PLXNA4: variants seen among roughly 807,000 people sequenced by gnomAD.
PLXNA4 encodes plexin-A4.
PLXNA4 carries 44 observed loss-of-function variants against 191.8 expected under a neutral mutation model. That is an observed-to-expected ratio of 0.23 (90% confidence interval 0.18 to 0.29). PLXNA4 has a LOEUF of 0.29. Among genes scored for constraint, PLXNA4 ranks in the 10% least tolerant of loss-of-function variants. The pLI is 1.00. For missense variants in PLXNA4, 1,800 were observed against 2,488.8 expected (o/e 0.72, Z 5.89); for synonymous variants, 1,082 against 1,009.5 (o/e 1.07, Z -1.36).
chr7:132,155,525 G>C (rs1300132234), intron 25 of PLXNA4, among the ~76,000 whole-genome samples: 1 of 152,238 alleles, frequency 6.6e-6, no homozygotes, highest in African/African-American at 2.4e-5. Flanking sequence ...TCTCGTGTTT[G>C]TTGAAGAGTT....
At chr7:132,353,648 A>G (rs1177818180) in intron 3 of PLXNA4, among the ~76,000 whole-genome samples, 1 of 152,188 alleles carries the variant, frequency 6.6e-6, no homozygotes, top group Non-Finnish European at 1.5e-5. Context: ...AAACAAAAAA[A>G]CACAAGCATG....
At chr7:132,529,804 A>G (rs1194267410) in intron 1 of PLXNA4, among the ~76,000 whole-genome samples, 2 of 151,946 alleles carry the variant, frequency 1.3e-5, no homozygotes, top group African/African-American at 4.8e-5. Flanking sequence ...ACGGGGTTTC[A>G]CCATGTTAGC....
At chr7:132,383,523 A>G in intron 3 of PLXNA4, 1 of 960,804 alleles carries the variant, frequency 1.0e-6, no homozygotes, top group African/African-American at 1.8e-5. Flanking sequence ...TTTTTATTTT[A>G]TTCATTGTAT....
chr7:132,131,792 T>C (rs1361437065), intron 31 of PLXNA4, among the ~76,000 whole-genome samples: 1 of 152,250 alleles, frequency 6.6e-6, no homozygotes, highest in African/African-American at 2.4e-5. Flanking sequence ...GGGAAAACTC[T>C]GCCCCAGACC....
At chr7:132,530,714 C>A (rs1357982590) in intron 1 of PLXNA4, among the ~76,000 whole-genome samples, 1 of 152,138 alleles carries the variant, frequency 6.6e-6, no homozygotes, top group African/African-American at 2.4e-5. Flanking sequence ...ATAGAATTAC[C>A]ACATGATCCA....
intron 3 of PLXNA4, among the ~76,000 whole-genome samples, chr7:132,420,689 C>T (rs1233881273): frequency 6.6e-6 from 1 of 152,210 alleles, no homozygotes; most frequent in Non-Finnish European, 1.5e-5. Flanking sequence ...TTGGCTGTGT[C>T]CCCACTCAAA....
chr7:132,140,567 G>A (rs1241409382), intron 30 of PLXNA4, 32 bp downstream of exon 30: 4 of 1,608,886 alleles, frequency 2.5e-6, no homozygotes, highest in African/African-American at 1.3e-5. Context: ...CCAGCAAGGG[G>A]CCCTGACTTG....
At chr7:132,529,316 A>G (rs1381875028) in intron 1 of PLXNA4, among the ~76,000 whole-genome samples, 1 of 151,866 alleles carries the variant, frequency 6.6e-6, no homozygotes, top group Non-Finnish European at 1.5e-5. Context: ...AATCCTCCCT[A>G]CTCTGCATAC....
At chr7:132,413,256 T>C (rs1359653635) in intron 3 of PLXNA4, among the ~76,000 whole-genome samples, 1 of 152,138 alleles carries the variant, frequency 6.6e-6, no homozygotes, top group Non-Finnish European at 1.5e-5. Context: ...TGGAAGCAAC[T>C]CTGAAGATTT....
chr7:132,200,671 C>T (rs1160853344), intron 12 of PLXNA4, among the ~76,000 whole-genome samples: 1 of 152,222 alleles, frequency 6.6e-6, no homozygotes, highest in East Asian at 1.9e-4. Flanking sequence ...AAAGCCCACA[C>T]ACAAATGTGT....
chr7:132,504,848 A>T (rs931268203), intron 2 of PLXNA4, among the ~76,000 whole-genome samples: 10 of 152,226 alleles, frequency 6.6e-5, no homozygotes, highest in Non-Finnish European at 7.3e-5. Flanking sequence ...AGCCTTGTAA[A>T]TGAGTTGAGG....
At chr7:132,241,936 C>G (rs1439229380) in intron 4 of PLXNA4, among the ~76,000 whole-genome samples, 1 of 152,122 alleles carries the variant, frequency 6.6e-6, no homozygotes. Flanking sequence ...TTGCTTAGCC[C>G]AAATGCTTCC....
At chr7:132,448,581 G>T (rs138978785) in intron 3 of PLXNA4, among the ~76,000 whole-genome samples, 4 of 152,146 alleles carry the variant, frequency 2.6e-5, no homozygotes, top group Admixed American at 2.6e-4. Flanking sequence ...TAGTATCCTC[G>T]GAAAAGCAAA....
At chr7:132,207,969 A>G (rs893005678) in intron 10 of PLXNA4, among the ~76,000 whole-genome samples, 1 of 151,954 alleles carries the variant, frequency 6.6e-6, no homozygotes, top group Non-Finnish European at 1.5e-5. Context: ...TGATCTGGAG[A>G]TGGTCACTTG....
intron 23 of PLXNA4, 102 bp from the exon 24 acceptor site, chr7:132,164,390 C>T (rs756446130): frequency 2.0e-6 from 3 of 1,490,476 alleles, no homozygotes; most frequent in African/African-American, 2.8e-5. Context: ...CTGCCAAGTC[C>T]CTGCACCTGC....
At chr7:132,156,478 C>G (rs1289928888) in intron 25 of PLXNA4, among the ~76,000 whole-genome samples, 5 of 152,164 alleles carry the variant, frequency 3.3e-5, no homozygotes, top group Non-Finnish European at 7.4e-5. Context: ...AATGTCTTTG[C>G]TTCTTGCGGA....
intron 3 of PLXNA4, among the ~76,000 whole-genome samples, chr7:132,327,574 C>T (rs1001728685): frequency 6.6e-6 from 1 of 152,108 alleles, no homozygotes; most frequent in Non-Finnish European, 1.5e-5. Context: ...TCATTTGTCA[C>T]CCTTATAACA....
intron 3 of PLXNA4, among the ~76,000 whole-genome samples, chr7:132,397,832 GC>G (rs1488865836): frequency 3.3e-5 from 5 of 152,218 alleles, no homozygotes; most frequent in Admixed American, 6.5e-5. Flanking sequence ...AGGACAGTAT[GC>G]CTATTTGACG....
At position 132,178,748 on chromosome 7, in the gene PLXNA4, T is replaced by TACAC. The variant is rs55690930; in HGVS notation, c.3874+935_3874+938dup. ...CACACACACTTGTAAATGAAACACA[T>TACAC]ACACACACACACACACACACACACA... On this transcript the variant is annotated intron_variant, in intron 20 of 31. Transcript: ENST00000321063. Among the ~76,000 whole-genome samples the TACAC allele has an allele frequency of 4.2e-3, 430 of 103,240 alleles. 21 individuals carry two copies. The highest frequency in any genetic ancestry group is 9.6e-3 in the African/African-American group (211 of 21,990). 67.7% of individuals were successfully genotyped at this position (103,240 alleles called of 152,430 possible). A position where few individuals can be genotyped will look rare whatever the true frequency, so the allele number is the denominator to read the frequency against.
Sources: allele counts gnomAD v4.1 joint callset (sites outside exome capture counted in the v4.1 genomes callset), GRCh38; gene constraint gnomAD v4.1.1; transcripts MANE v1.5; gene names NCBI Gene and HGNC (gene_info 2026-07-23, HGNC 2026-07-21).